Variants in CPQ observed in about 807,000 individuals in gnomAD.
The protein encoded by CPQ is Ser-Met dipeptidase.
CPQ carries 37 observed loss-of-function variants against 45.7 expected under a neutral mutation model. That is an observed-to-expected ratio of 0.81 (90% confidence interval 0.62 to 1.07). The LOEUF (loss-of-function observed/expected upper bound fraction) is 1.07, where lower values mean the gene tolerates loss of function less well. CPQ is among the 50% of genes least tolerant of loss of function. The pLI is 0.00. For synonymous variants in CPQ, 186 were observed against 205.8 expected (o/e 0.90, Z 0.82); for missense variants, 537 against 572.9 (o/e 0.94, Z 0.64).
In CPQ at chr8:96,815,668, A is replaced by G. The variant is rs867354727; in HGVS notation, c.434-19305A>G. Among the ~76,000 whole-genome samples the G allele has an allele frequency of 5.6e-4, 85 of 152,140 alleles. 1 individual carries two copies. The highest frequency in any genetic ancestry group is 2.0e-3 in the African/African-American group (81 of 41,436). On this transcript the variant is annotated intron_variant, in intron 2 of 7. Transcript: ENST00000220763. ...TGTACTAAGCTAATTATGTATTTAC[A>G]TTTTAAATTCCTTGAGGACTAGGCA...
intron 2 of CPQ, among the ~76,000 whole-genome samples, chr8:96,800,797 T>A (rs934028976): frequency 2.0e-5 from 3 of 152,062 alleles, no homozygotes. Context: ...AGATATACAA[T>A]CAAAAAACAT....
At chr8:96,777,670 A>G (rs1810622961) in intron 1 of CPQ, among the ~76,000 whole-genome samples, 1 of 141,542 alleles carries the variant, frequency 7.1e-6, no homozygotes, top group Non-Finnish European at 1.5e-5. Flanking sequence ...AACTGACTCC[A>G]GGTCTAGAAT....
intron 7 of CPQ, among the ~76,000 whole-genome samples, chr8:97,111,570 C>T (rs1468387443): frequency 2.0e-5 from 3 of 152,212 alleles, no homozygotes; most frequent in Non-Finnish European, 4.4e-5. Context: ...TCAGGACTAT[C>T]TGCCTCCTAC....
intron 3 of CPQ, among the ~76,000 whole-genome samples, chr8:96,860,000 G>A (rs1811905573): frequency 6.6e-6 from 1 of 152,128 alleles, no homozygotes; most frequent in Non-Finnish European, 1.5e-5. Flanking sequence ...CTCAGGGGCT[G>A]AGGCTTCCCT....
chr8:96,652,076 T>A (rs1052128410), intron 1 of CPQ, among the ~76,000 whole-genome samples: 1 of 152,176 alleles, frequency 6.6e-6, no homozygotes, highest in African/African-American at 2.4e-5. Flanking sequence ...TCTCAAAAAA[T>A]TTATTCCTCT....
intron 1 of CPQ, among the ~76,000 whole-genome samples, chr8:96,763,684 G>C (rs1194760846): frequency 6.6e-6 from 1 of 151,914 alleles, no homozygotes; most frequent in African/African-American, 2.4e-5. Context: ...AAAACTCTAA[G>C]ATATAAATAA....
intron 2 of CPQ, among the ~76,000 whole-genome samples, chr8:96,787,878 G>A (rs1351785930): frequency 5.7e-5 from 2 of 35,142 alleles, no homozygotes; most frequent in African/African-American, 1.1e-4. Context: ...ATTTTTTTAT[G>A]TTTGTAAGGA....
chr8:96,845,377 C>CG (rs1409380929), intron 3 of CPQ, among the ~76,000 whole-genome samples: 5 of 152,126 alleles, frequency 3.3e-5, no homozygotes, highest in African/African-American at 1.2e-4. Context: ...TGGCACAGGG[C>CG]AGGTACTTAA....
chr8:97,136,643 C>T (rs896934034), intron 7 of CPQ, among the ~76,000 whole-genome samples: 5 of 152,320 alleles, frequency 3.3e-5, no homozygotes, highest in African/African-American at 9.6e-5. Context: ...GGCTCCTTGG[C>T]TGACATGCTG....
intron 4 of CPQ, among the ~76,000 whole-genome samples, chr8:96,903,359 C>A (rs1021131897): frequency 1.3e-5 from 2 of 152,132 alleles, no homozygotes; most frequent in African/African-American, 2.4e-5. Context: ...GACATAGATT[C>A]TTTGAAAAAT....
chr8:96,720,273 T>TA (rs201573110), intron 1 of CPQ, among the ~76,000 whole-genome samples: 3,407 of 152,300 alleles, frequency 0.022, 143 homozygotes, highest in African/African-American at 0.077. Flanking sequence ...TTGATTACTT[T>TA]TTTAAAAAAA....
At chr8:96,744,704 T>C (rs1166303075) in intron 1 of CPQ, among the ~76,000 whole-genome samples, 2 of 152,240 alleles carry the variant, frequency 1.3e-5, no homozygotes, top group Non-Finnish European at 2.9e-5. Context: ...AATTTTTGTA[T>C]GTTAAGCTTT....
chr8:96,709,263 C>T (rs1162296565), intron 1 of CPQ, among the ~76,000 whole-genome samples: 1 of 152,078 alleles, frequency 6.6e-6, no homozygotes, highest in African/African-American at 2.4e-5. Context: ...CTCTCCGCTT[C>T]TGAGTCTCCA....
At chr8:96,869,521 A>G (rs1173069469) in intron 3 of CPQ, among the ~76,000 whole-genome samples, 1 of 152,098 alleles carries the variant, frequency 6.6e-6, no homozygotes, top group East Asian at 1.9e-4. Context: ...TGACATCTAC[A>G]TTAGTGCCTT....
chr8:96,965,536 A>ATTTTTTGT (rs1279291686), intron 4 of CPQ, among the ~76,000 whole-genome samples: 1 of 151,730 alleles, frequency 6.6e-6, no homozygotes, highest in Non-Finnish European at 1.5e-5. Flanking sequence ...CACCCAGCTA[A>ATTTTTTGT]TTTTTTGTAT....
At chr8:96,754,199 G>C (rs1230722232) in intron 1 of CPQ, among the ~76,000 whole-genome samples, 1 of 152,010 alleles carries the variant, frequency 6.6e-6, no homozygotes, top group Non-Finnish European at 1.5e-5. Context: ...ATTCTAAGAA[G>C]GAATGTTATG....
chr8:97,120,581 T>C (rs942993378), intron 7 of CPQ, among the ~76,000 whole-genome samples: 5 of 152,238 alleles, frequency 3.3e-5, no homozygotes, highest in Non-Finnish European at 7.3e-5. Context: ...AGAAATCCAG[T>C]ACACAAATGC....
intron 5 of CPQ, among the ~76,000 whole-genome samples, chr8:96,988,039 T>G (rs1006017102): frequency 1.5e-4 from 23 of 152,144 alleles, no homozygotes; most frequent in African/African-American, 5.1e-4. Flanking sequence ...CAAAAATGTG[T>G]GAGATTAGTT....
Position 96,804,686 on chromosome 8 carries a change from A to G in CPQ, c.433+19356A>G, listed in dbSNP as rs150359324. 2.3e-3 allele frequency among the ~76,000 whole-genome samples: 346 copies of G among 152,232 alleles called. 4 individuals carry two copies. Among genetic ancestry groups the G allele is most frequent in the African/African-American group, 8.1e-3 (338 of 41,550 alleles). On this transcript the variant is annotated intron_variant, in intron 2 of 7. Coordinates refer to ENST00000220763, the MANE Select transcript of CPQ (RefSeq NM_016134.4). The stretch of plus-strand genomic sequence containing the variant: ...TGTCATGGAGAATCATTAGCCTGTT[A>G]CCTGCTAATGTTCCCTTTGTCTTTT...
Sources: allele counts gnomAD v4.1 joint callset (sites outside exome capture counted in the v4.1 genomes callset), GRCh38; gene constraint gnomAD v4.1.1; transcripts MANE v1.5; gene names NCBI Gene and HGNC (gene_info 2026-07-23, HGNC 2026-07-21).